Variants in RSF1 observed in about 807,000 individuals in gnomAD.
RSF1 encodes the protein remodeling and spacing factor 1.
A neutral mutation model predicts 145.2 loss-of-function variants in RSF1; 13 were observed. That is an observed-to-expected ratio of 0.09 (90% CI 0.06 to 0.14). The LOEUF is 0.14. Ranked by LOEUF, RSF1 falls within the 10% of genes least tolerant of loss-of-function variation. RSF1 has a pLI of 1.00. For missense variants in RSF1, 1,517 were observed against 1,718.2 expected (o/e 0.88, Z 2.07); for synonymous variants, 577 against 592.6 (o/e 0.97, Z 0.38).
At chr11:77,821,237 G>T, upstream of RSF1, 1 of 255,944 alleles carries the variant, frequency 3.9e-6, no homozygotes, top group African/African-American at 2.2e-5. Context: ...GAGACAGTGC[G>T]GTGGGTGAGT....
chr11:77,800,416 C>A (rs758107483), intron 1 of RSF1, among the ~76,000 whole-genome samples: 3 of 151,850 alleles, frequency 2.0e-5, no homozygotes, highest in African/African-American at 7.3e-5. Flanking sequence ...CATTTGAACC[C>A]GGGAGGCAGA....
chr11:77,820,473 A>C, intron 1 of RSF1, 55 bp downstream of exon 1: 1 of 1,510,190 alleles, frequency 6.6e-7, no homozygotes, highest in South Asian at 1.2e-5. Context: ...TGAAGAGCGG[A>C]GAGTAGCAGA....
intron 4 of RSF1, among the ~76,000 whole-genome samples, chr11:77,729,894 G>GC (rs1204233063): frequency 1.0e-3 from 12 of 11,776 alleles, no homozygotes; most frequent in East Asian, 6.8e-3. Flanking sequence ...TATTCAGTAG[G>GC]CAAAAAAAAA....
intron 1 of RSF1, among the ~76,000 whole-genome samples, chr11:77,777,609 AT>A (rs1310097091): frequency 6.6e-6 from 1 of 152,162 alleles, no homozygotes; most frequent in Non-Finnish European, 1.5e-5. Flanking sequence ...AAATAAAAAA[AT>A]AAATAAATAA....
chr11:77,735,084 G>A (rs1011491714), intron 4 of RSF1: 16 of 996,904 alleles, frequency 1.6e-5, no homozygotes, highest in South Asian at 9.2e-5. Flanking sequence ...CTGGGGCGGC[G>A]GCAGGGGCCT....
chr11:77,766,332 A>T (rs186478220), intron 1 of RSF1, among the ~76,000 whole-genome samples: 57 of 152,306 alleles, frequency 3.7e-4, no homozygotes, highest in Admixed American at 9.2e-4. Flanking sequence ...TTTTTCAGTC[A>T]TTCTTTCATT....
intron 1 of RSF1, among the ~76,000 whole-genome samples, chr11:77,784,022 T>A (rs537428503): frequency 6.6e-6 from 1 of 152,318 alleles, no homozygotes; most frequent in East Asian, 1.9e-4. Context: ...TACTTTAGGT[T>A]TGTTGAGATT....
At chr11:77,782,291 A>C (rs1948411657) in intron 1 of RSF1, among the ~76,000 whole-genome samples, 1 of 151,868 alleles carries the variant, frequency 6.6e-6, no homozygotes, top group African/African-American at 2.4e-5. Flanking sequence ...CTGTAATCCC[A>C]ACACTTTGGG....
the RSF1 span, chr11:77,842,542 G>A: frequency 1.2e-6 from 2 of 1,614,034 alleles, no homozygotes; most frequent in Admixed American, 1.7e-5. Context: ...GCAAATGAAA[G>A]TAAAAGGCTC....
chr11:77,759,336 T>C (rs1473100221), intron 2 of RSF1, among the ~76,000 whole-genome samples: 1 of 152,046 alleles, frequency 6.6e-6, no homozygotes, highest in Non-Finnish European at 1.5e-5. Flanking sequence ...TGTGGCGAGA[T>C]GCCACCTCTA....
At position 77,775,915 on chromosome 11, in the gene RSF1, G is replaced by C. The variant is rs78570067; in HGVS notation, c.188-11226C>G. ...GCTTTCTCATGTAACTGGGACCACAGGCATGTCCCACCATGCTTGACTAAT... is the reference window on the plus strand; with the variant it reads ...GCTTTCTCATGTAACTGGGACCACACGCATGTCCCACCATGCTTGACTAAT... On this transcript the variant is annotated intron_variant, in intron 1 of 15. Coordinates refer to ENST00000308488, the MANE Select transcript of RSF1 (RefSeq NM_016578.4). Among the ~76,000 whole-genome samples, 951 of 152,290 alleles carry C rather than the reference G, an allele frequency of 6.2e-3. 4 individuals carry two copies. The highest frequency in any genetic ancestry group is 9.9e-3 in the Non-Finnish European group (674 of 68,024).
chr11:77,812,884 CAAAAAAAA>C (rs71046910), intron 1 of RSF1, among the ~76,000 whole-genome samples: 1 of 110,572 alleles, frequency 9.0e-6, no homozygotes, highest in Non-Finnish European at 1.8e-5. Context: ...AGCTCCATCT[CAAAAAAAA>C]AAAAAAAAAA....
intron 2 of RSF1, among the ~76,000 whole-genome samples, chr11:77,752,816 T>C (rs894233060): frequency 3.9e-5 from 6 of 152,190 alleles, no homozygotes; most frequent in East Asian, 1.9e-4. Flanking sequence ...CAGGATGAGA[T>C]AGGAAGTCGG....
At chr11:77,820,341 G>A (rs974968823) in intron 1 of RSF1, among the ~76,000 whole-genome samples, 187 bp downstream of exon 1, 4 of 152,178 alleles carry the variant, frequency 2.6e-5, no homozygotes, top group Admixed American at 2.0e-4. Flanking sequence ...GGGGGCCTCC[G>A]CCCCGCCTCC....
chr11:77,698,419 T>C (rs878902604), intron 7 of RSF1, 68 bp downstream of exon 7: 9 of 1,278,046 alleles, frequency 7.0e-6, no homozygotes, highest in South Asian at 3.6e-5. Flanking sequence ...CCCAGAAGAG[T>C]TAGGCTGCTC....
At chr11:77,736,408 CAG>C (rs1448968872) in intron 4 of RSF1, among the ~76,000 whole-genome samples, 7 of 152,166 alleles carry the variant, frequency 4.6e-5, no homozygotes. Context: ...ATGTTTCTTT[CAG>C]AGTCTGCCAT....
the RSF1 span, among the ~76,000 whole-genome samples, chr11:77,871,685 T>C: frequency 6.6e-6 from 1 of 152,232 alleles, no homozygotes; most frequent in Admixed American, 6.5e-5. Context: ...TAGCCTAACA[T>C]TTCTTAGCTA....
At position 77,664,659 on chromosome 11, in the gene RSF1, G is replaced by A. The variant is rs568156876; in HGVS notation, c.*2258C>T. On this transcript the variant is annotated 3_prime_UTR_variant, in exon 16 of 16. Transcript: ENST00000308488. ...TTTACCCAGCTGCAGGACTAAAACG[G>A]TAGTGAGACTGGGTGGCAGGAAAGG... 1 of 152,332 alleles carries A rather than the reference G, an allele frequency of 6.6e-6. No homozygotes were observed. The highest frequency in any genetic ancestry group is 2.1e-4 in the South Asian group (1 of 4,826). The allele number at this position is 152,332 out of a possible 1,614,324, so 9.4% of individuals were successfully genotyped here.
At chr11:77,668,805 A>T (rs1454808292) in intron 15 of RSF1, among the ~76,000 whole-genome samples, 1 of 152,198 alleles carries the variant, frequency 6.6e-6, no homozygotes, top group Admixed American at 6.5e-5. Context: ...GGATTTTGAT[A>T]TCTGCGGGGA....
Sources: allele counts gnomAD v4.1 joint callset (sites outside exome capture counted in the v4.1 genomes callset), GRCh38; gene constraint gnomAD v4.1.1; transcripts MANE v1.5; gene names NCBI Gene and HGNC (gene_info 2026-07-23, HGNC 2026-07-21).